Variants in METTL22 observed in about 807,000 individuals in gnomAD.
METTL22 encodes the protein methyltransferase 22, Kin17 lysine, also known as methyltransferase-like protein 22.
Under a neutral mutation model 48.4 loss-of-function variants are expected in METTL22, and 51 were observed. The ratio of observed to expected loss-of-function variants is 1.05; its 90% confidence interval spans 0.84 to 1.33. The LOEUF (loss-of-function observed/expected upper bound fraction) is 1.33. METTL22 is among the 40% of genes most tolerant of loss of function. The probability of loss-of-function intolerance (pLI) is 0.00; values close to 1 mark genes in which losing one functional copy is unlikely to be tolerated. For missense variants in METTL22, 678 were observed against 526.9 expected, an observed-to-expected ratio of 1.29 and a Z score of -2.81; for synonymous variants, 255 against 214.1, an observed-to-expected ratio of 1.19 and a Z score of -1.67.
At chr16:8,631,576 T>G (rs1371463530) in intron 3 of METTL22, 1 of 152,202 alleles carries the variant, frequency 6.6e-6, no homozygotes, top group Non-Finnish European at 1.5e-5. Context: ...GTTCCGTAAA[T>G]GTAAGCCTCT....
At chr16:8,637,292 A>C (rs944385379) in intron 5 of METTL22, among the ~76,000 whole-genome samples, 1 of 152,336 alleles carries the variant, frequency 6.6e-6, no homozygotes, top group African/African-American at 2.4e-5. Context: ...TCTGCAGTGC[A>C]GCCACGCTAT....
intron 1 of METTL22, 41 bp from the exon 2 acceptor site, chr16:8,625,455 G>C: frequency 2.5e-6 from 1 of 404,556 alleles, no homozygotes; most frequent in Non-Finnish European, 4.4e-6. Context: ...TGAATATAAT[G>C]AGTGAAATGA....
rs1161245420 is a variant in METTL22 at position 8,621,751 on chromosome 16, G to C, written c.-195G>C. ...TCCCACAGAGACGGGAGTCGGGTGG[G>C]ATCCCAGGCTGGGCCCCGCGGCGGG... On this transcript the variant is annotated 5_prime_UTR_variant, in exon 1 of 11. Coordinates refer to ENST00000381920, the MANE Select transcript of METTL22 (RefSeq NM_024109.4). The C allele has an allele frequency of 2.0e-5, 3 of 152,310 alleles. No individual in the cohort carries two copies. The highest frequency in any genetic ancestry group is 2.9e-5 in the Non-Finnish European group (2 of 68,080). The allele number at this position is 152,310 out of a possible 1,614,324, so 9.4% of individuals were successfully genotyped here.
the METTL22 span, among the ~76,000 whole-genome samples, chr16:8,664,840 T>C: frequency 2.7e-5 from 4 of 149,562 alleles, no homozygotes. Context: ...CATGCAAAGA[T>C]CCTTATCCAG....
Position 8,629,005 on chromosome 16 carries a change from G to A in METTL22, c.409G>A (p.Ala137Thr), listed in dbSNP as rs1426785692. 10 of 1,614,120 alleles carry A rather than the reference G, an allele frequency of 6.2e-6. No individual in the cohort carries two copies. The South Asian group carries it at 1.1e-4, about 18-fold the overall frequency. ...RPRAASDSNP[A>T]GPLRDKVHPM... Reference sequence around the variant, plus strand: ...ACGAGCCGCCTCTGATTCCAACCCAGCAGGGCCTCTGAGAGACAAGGTACA... The same window carrying A: ...ACGAGCCGCCTCTGATTCCAACCCAACAGGGCCTCTGAGAGACAAGGTACA... Residue 137 changes from alanine to threonine, a missense_variant, in exon 3 of 11, where the codon GCA becomes ACA. Ala to Thr is a moderately conservative substitution (Grantham distance 58). Coordinates refer to ENST00000381920, the MANE Select transcript of METTL22 (RefSeq NM_024109.4).
Position 8,646,239 on chromosome 16 carries a change from T to C in METTL22, c.*96T>C, listed in dbSNP as rs758981699. The C allele has an allele frequency of 1.1e-5, 16 of 1,503,526 alleles. No individual in the cohort carries two copies. The highest frequency in any genetic ancestry group is 1.5e-5 in the Non-Finnish European group (16 of 1,085,688). 93.1% of individuals were successfully genotyped at this position (1,503,526 alleles called of 1,614,324 possible). Reference sequence around the variant, plus strand: ...CCAAAGCAACATGCTTGAGATTTTGTCATTTTAAAAATATGGTTACACGTA... The same window carrying C: ...CCAAAGCAACATGCTTGAGATTTTGCCATTTTAAAAATATGGTTACACGTA... On this transcript the variant is annotated 3_prime_UTR_variant, in exon 11 of 11. Coordinates refer to ENST00000381920, the MANE Select transcript of METTL22 (RefSeq NM_024109.4).
At chr16:8,658,832 C>A in the METTL22 span, among the ~76,000 whole-genome samples, 55 of 152,278 alleles carry the variant, frequency 3.6e-4, no homozygotes, top group Non-Finnish European at 7.4e-4. Flanking sequence ...GCCCACAAGG[C>A]CCTCCAAGGC....
At chr16:8,666,734 A>G in the METTL22 span, 1 of 151,244 alleles carries the variant, frequency 6.6e-6, no homozygotes, top group Non-Finnish European at 1.5e-5. Context: ...TGAGGATATA[A>G]CCATTCTGCC....
At chr16:8,645,836 AT>A in intron 10 of METTL22, 1 of 990,350 alleles carries the variant, frequency 1.0e-6, no homozygotes, top group Non-Finnish European at 1.3e-6. Flanking sequence ...ACTCACTGCT[AT>A]TCTGGTCTCT....
chr16:8,640,715 TGGGG>T (rs1252971167), intron 6 of METTL22, among the ~76,000 whole-genome samples: 1 of 1,522 alleles, frequency 6.6e-4, no homozygotes, highest in Non-Finnish European at 1.3e-3. Context: ...GGAAGATGGG[TGGGG>T]GGGTGGGTGG....
the METTL22 span, among the ~76,000 whole-genome samples, chr16:8,659,460 C>T: frequency 6.6e-6 from 1 of 152,092 alleles, no homozygotes; most frequent in Non-Finnish European, 1.5e-5. Context: ...AAATATCTAC[C>T]AAGGAGTGTC....
chr16:8,634,957 G>A, intron 3 of METTL22, 82 bp from the exon 4 acceptor site: 1 of 1,577,444 alleles, frequency 6.3e-7, no homozygotes, highest in Non-Finnish European at 8.7e-7. Context: ...CGTGCTGGCG[G>A]TTGCCACACT....
chr16:8,624,809 T>C (rs748962875), intron 1 of METTL22, among the ~76,000 whole-genome samples: 5 of 152,086 alleles, frequency 3.3e-5, no homozygotes, highest in Admixed American at 6.6e-5. Flanking sequence ...CAGTGAGCCA[T>C]GATTGTACCA....
chr16:8,658,067 T>C, the METTL22 span, among the ~76,000 whole-genome samples: 1 of 152,192 alleles, frequency 6.6e-6, no homozygotes, highest in Non-Finnish European at 1.5e-5. Flanking sequence ...TCCTCCCACC[T>C]TGGCCTCCCA....
intron 2 of METTL22, among the ~76,000 whole-genome samples, 185 bp downstream of exon 2, chr16:8,625,983 G>A (rs996934870): frequency 6.6e-6 from 1 of 152,036 alleles, no homozygotes; most frequent in Non-Finnish European, 1.5e-5. Flanking sequence ...TTTGTATGTG[G>A]GGGTTTGTTT....
At chr16:8,624,106 A>G (rs903350914) in intron 1 of METTL22, 1 of 152,248 alleles carries the variant, frequency 6.6e-6, no homozygotes, top group African/African-American at 2.4e-5. Context: ...TCCTGAAATC[A>G]CATGGCTAGA....
At position 8,628,886 on chromosome 16, in the gene METTL22, G is replaced by T; in HGVS notation, c.290G>T (p.Gly97Val). The stretch of plus-strand genomic sequence containing the variant: ...CCAGGAAGTGGCCATGGTAATGAGG[G>T]TTTCTCCCTCCAGGCCGGGACTGAC... ...SPPGSGHGNE[G>V]FSLQAGTDTT... The change falls in exon 3 of 11, where the codon GGT becomes GTT. Residue 97 changes from glycine to valine, a missense_variant. By Grantham distance (109) the Gly-to-Val change is moderately radical. Coordinates refer to ENST00000381920, the MANE Select transcript of METTL22 (RefSeq NM_024109.4). 6.2e-7 allele frequency: 1 copy of T among 1,614,040 alleles called. No individual in the cohort carries two copies. Among genetic ancestry groups the T allele is most frequent in the South Asian group, 1.1e-5 (1 of 91,076 alleles).
chr16:8,638,267 G>A (rs769104410), intron 5 of METTL22, among the ~76,000 whole-genome samples: 4 of 152,202 alleles, frequency 2.6e-5, no homozygotes, highest in Non-Finnish European at 5.9e-5. Flanking sequence ...ACATGGCTCT[G>A]TGTGACCCCT....
the METTL22 span, among the ~76,000 whole-genome samples, chr16:8,663,225 A>AAAAAAAAAT: frequency 2.3e-4 from 29 of 123,466 alleles, 1 homozygote; most frequent in African/African-American, 2.5e-4. Flanking sequence ...AAAAAAAAAA[A>AAAAAAAAAT]GGTAGCCAAG....
Sources: gnomAD v4.1 joint callset for allele counts (sites outside exome capture counted in the v4.1 genomes callset) on GRCh38, gnomAD v4.1.1 for gene constraint, MANE v1.5 for transcripts, NCBI Gene and HGNC (gene_info 2026-07-23, HGNC 2026-07-21) for gene names.